Variants in ADGRV1 observed in about 807,000 individuals in gnomAD.
The protein encoded by ADGRV1 is adhesion G protein-coupled receptor V1, also known as G-protein coupled receptor 98.
ADGRV1 carries 359 observed loss-of-function variants against 596.2 expected under a neutral mutation model. The ratio of observed to expected loss-of-function variants is 0.60; its 90% CI spans 0.55 to 0.66. ADGRV1 has a LOEUF of 0.66. ADGRV1 is among the 30% of genes least tolerant of loss of function. The pLI, the probability that ADGRV1 is intolerant of heterozygous loss-of-function variation, is 0.00. For synonymous variants in ADGRV1, 2,681 were observed against 2,679.2 expected (o/e 1.00, Z -0.02); for missense variants, 7,274 against 7,575.6 (o/e 0.96, Z 1.48).
intron 20 of ADGRV1, chr5:90,654,245 G>C: frequency 2.6e-6 from 1 of 391,152 alleles, no homozygotes. Flanking sequence ...AAATATGAAA[G>C]AGGAATGTTT....
intron 34 of ADGRV1, among the ~76,000 whole-genome samples, chr5:90,698,608 G>A (rs1011018555): frequency 1.3e-5 from 2 of 152,118 alleles, no homozygotes; most frequent in African/African-American, 4.8e-5. Flanking sequence ...CCTGTGTGAG[G>A]GAAGGAAATT....
chr5:91,086,332 C>G (rs1442301645), intron 86 of ADGRV1, among the ~76,000 whole-genome samples: 1 of 152,174 alleles, frequency 6.6e-6, no homozygotes, highest in East Asian at 1.9e-4. Context: ...TTAAGATGTA[C>G]AGATATTGTC....
chr5:91,020,547 G>A (rs969881834), intron 85 of ADGRV1, among the ~76,000 whole-genome samples: 2 of 151,950 alleles, frequency 1.3e-5, no homozygotes, highest in African/African-American at 2.4e-5. Flanking sequence ...GACAGAGTCA[G>A]GTCTTTGACT....
At chr5:90,822,558 A>G (rs1185681002) in intron 75 of ADGRV1, among the ~76,000 whole-genome samples, 1 of 152,290 alleles carries the variant, frequency 6.6e-6, no homozygotes, top group South Asian at 2.1e-4. Flanking sequence ...GAGGTCAGGT[A>G]GCGTGATGCC....
chr5:90,910,111 G>T (rs1402159896), intron 83 of ADGRV1, among the ~76,000 whole-genome samples: 1 of 152,182 alleles, frequency 6.6e-6, no homozygotes, highest in African/African-American at 2.4e-5. Context: ...TTTGCAGATT[G>T]TGTTTTTAGC....
At chr5:91,005,716 G>C (rs1402269824) in intron 85 of ADGRV1, among the ~76,000 whole-genome samples, 1 of 152,066 alleles carries the variant, frequency 6.6e-6, no homozygotes, top group Non-Finnish European at 1.5e-5. Flanking sequence ...CAGGGTTATT[G>C]ATCCTTTCGA....
intron 52 of ADGRV1, among the ~76,000 whole-genome samples, chr5:90,748,641 C>A (rs1477116160): frequency 6.6e-6 from 1 of 152,044 alleles, no homozygotes; most frequent in Non-Finnish European, 1.5e-5. Flanking sequence ...GGACCCTATT[C>A]TTATTAGGTA....
At chr5:91,152,201 G>A (rs1439863609) in intron 88 of ADGRV1, among the ~76,000 whole-genome samples, 1 of 152,164 alleles carries the variant, frequency 6.6e-6, no homozygotes, top group African/African-American at 2.4e-5. Context: ...AAAAAACCAT[G>A]CAGAGAAGGG....
intron 83 of ADGRV1, among the ~76,000 whole-genome samples, chr5:90,886,123 C>T (rs780294641): frequency 2.6e-5 from 4 of 152,118 alleles, no homozygotes; most frequent in African/African-American, 4.8e-5. Flanking sequence ...CTTGCAGCAA[C>T]CTATCGTTCT....
intron 75 of ADGRV1, among the ~76,000 whole-genome samples, chr5:90,822,343 A>T (rs1763638463): frequency 6.6e-6 from 1 of 152,234 alleles, no homozygotes; most frequent in African/African-American, 2.4e-5. Flanking sequence ...TGAACCTGGT[A>T]CCTCAGATGG....
At chr5:91,025,044 G>A (rs1783913462) in intron 85 of ADGRV1, among the ~76,000 whole-genome samples, 1 of 152,054 alleles carries the variant, frequency 6.6e-6, no homozygotes, top group Non-Finnish European at 1.5e-5. Flanking sequence ...ATTACCTATA[G>A]CAAGCTTCTC....
chr5:90,694,392 C>T lies in ADGRV1; in HGVS notation c.7636C>T (p.His2546Tyr). The T allele has an allele frequency of 6.2e-7, 1 of 1,613,980 alleles. No homozygotes were observed. The highest frequency in any genetic ancestry group is 1.1e-5 in the South Asian group (1 of 91,084). ...TTTTCTAATTTCTCTCCTTGAAGTT[C>T]ACCTCATGAACATTTCAGCCAGTTT... is the stretch of plus-strand genomic sequence containing the variant. ...ESFLISLLEV[H>Y]LMNISASLKN... Residue 2546 changes from histidine to tyrosine, a missense_variant, in exon 33 of 90, where the codon CAC (histidine) becomes TAC (tyrosine). By Grantham distance (83) the His-to-Tyr change is moderately conservative. This residue lies in a region of ADGRV1 where 3,643 missense variants were observed against 3,809.2 expected (regional missense o/e 0.96). Transcript: ENST00000405460.
At chr5:90,982,401 A>T (rs192898404) in intron 84 of ADGRV1, among the ~76,000 whole-genome samples, 182 of 152,314 alleles carry the variant, frequency 1.2e-3, no homozygotes, top group Middle Eastern at 0.01. Flanking sequence ...TTGGTTTTTA[A>T]AAAAAATGGC....
At chr5:90,796,647 G>C (rs1016076511) in intron 70 of ADGRV1, among the ~76,000 whole-genome samples, 2 of 152,106 alleles carry the variant, frequency 1.3e-5, no homozygotes. Flanking sequence ...CCCTTGAGAA[G>C]AGCAACCATA....
intron 1 of ADGRV1, among the ~76,000 whole-genome samples, chr5:90,563,324 T>C (rs1461162755): frequency 6.6e-6 from 1 of 152,232 alleles, no homozygotes. Flanking sequence ...GGCTGTTGAG[T>C]GCTAGGTCTT....
At chr5:90,752,197 T>G (rs1455616949) in intron 53 of ADGRV1, among the ~76,000 whole-genome samples, 1 of 152,198 alleles carries the variant, frequency 6.6e-6, no homozygotes, top group Non-Finnish European at 1.5e-5. Flanking sequence ...TTGAATGAGC[T>G]TGGTTGTGTT....
rs2150129135 is a variant in ADGRV1 at position 90,789,702 on chromosome 5, A to G, written c.13894A>G (p.Ile4632Val). 1.3e-6 allele frequency: 2 copies of G among 1,533,888 alleles called. No homozygotes were observed. The highest frequency in any genetic ancestry group is 8.8e-7 in the Non-Finnish European group (1 of 1,130,174). ...TTTCTCTGTTGTTTATATTTTTTAG[A>G]TACAAGAGTTTGGTGACCCAAATGG... Reference protein sequence around the residue: ...DSRAKDVTLTIQEFGDPNGVV... With the variant: ...DSRAKDVTLTVQEFGDPNGVV... The change falls in exon 69 of 90, where the codon ATA becomes GTA. Residue 4632 changes from isoleucine (I) to valine (V), a missense_variant and splice_region_variant. Transcript: ENST00000405460.
intron 85 of ADGRV1, among the ~76,000 whole-genome samples, chr5:91,069,645 A>C (rs765709104): frequency 1.3e-5 from 2 of 152,044 alleles, no homozygotes; most frequent in African/African-American, 2.4e-5. Context: ...AAGTGAATGC[A>C]TGTGCACTAT....
At chr5:91,022,476 TA>T (rs1034544372) in intron 85 of ADGRV1, among the ~76,000 whole-genome samples, 1 of 152,058 alleles carries the variant, frequency 6.6e-6, no homozygotes, top group African/African-American at 2.4e-5. Flanking sequence ...AATATTTCAG[TA>T]AAACATTTGA....
Sources: allele counts gnomAD v4.1 joint callset (sites outside exome capture counted in the v4.1 genomes callset), GRCh38; gene constraint gnomAD v4.1.1; regional missense constraint gnomAD v4.1.1; transcripts MANE v1.5; gene names NCBI Gene and HGNC (gene_info 2026-07-23, HGNC 2026-07-21).